Variants in LRRC4C observed in about 807,000 individuals in gnomAD.
LRRC4C encodes leucine-rich repeat-containing protein 4C.
LRRC4C carries 5 observed loss-of-function variants against 33.6 expected under a neutral mutation model. That is an observed-to-expected ratio of 0.15 (90% CI 0.08 to 0.31). The LOEUF is 0.31. LRRC4C is among the 10% of genes least tolerant of loss of function. The probability of loss-of-function intolerance (pLI) is 1.00; values close to 1 mark genes in which losing one functional copy is unlikely to be tolerated. For synonymous variants in LRRC4C, 329 were observed against 302.0 expected, an observed-to-expected ratio of 1.09 and a Z score of -0.93; for missense variants, 560 against 796.7, an observed-to-expected ratio of 0.70 and a Z score of 3.58.
At chr11:40,673,617 A>C (rs1944241834) in intron 2 of LRRC4C, among the ~76,000 whole-genome samples, 1 of 152,204 alleles carries the variant, frequency 6.6e-6, no homozygotes, top group South Asian at 2.1e-4. Context: ...ACAGTAGTTC[A>C]CAAGCTTACT....
At chr11:40,551,484 G>A (rs140888970) in intron 3 of LRRC4C, among the ~76,000 whole-genome samples, 9 of 152,106 alleles carry the variant, frequency 5.9e-5, no homozygotes, top group African/African-American at 2.2e-4. Flanking sequence ...TTTTACATGA[G>A]TTAATTGATT....
intron 1 of LRRC4C, among the ~76,000 whole-genome samples, chr11:41,269,195 T>C (rs1347707802): frequency 6.6e-6 from 1 of 152,116 alleles, no homozygotes; most frequent in East Asian, 1.9e-4. Flanking sequence ...GGGTTTTTAA[T>C]GGGCAAATTA....
At chr11:40,358,798 G>T (rs1042501960) in intron 3 of LRRC4C, among the ~76,000 whole-genome samples, 4 of 152,156 alleles carry the variant, frequency 2.6e-5, no homozygotes, top group Admixed American at 6.5e-5. Context: ...TCCTGTTTTT[G>T]ATAGTAATCA....
intron 1 of LRRC4C, among the ~76,000 whole-genome samples, chr11:41,168,132 G>C (rs1424568904): frequency 6.6e-6 from 1 of 152,096 alleles, no homozygotes; most frequent in Non-Finnish European, 1.5e-5. Flanking sequence ...GGACAAAGCA[G>C]GTAACCCAAC....
chr11:40,391,734 A>G (rs1414337606), intron 3 of LRRC4C, among the ~76,000 whole-genome samples: 2 of 152,196 alleles, frequency 1.3e-5, no homozygotes, highest in Non-Finnish European at 2.9e-5. Flanking sequence ...CAAAGTGACA[A>G]AACCACACAC....
chr11:40,837,588 C>T (rs1952727139), intron 2 of LRRC4C, among the ~76,000 whole-genome samples: 1 of 150,712 alleles, frequency 6.6e-6, no homozygotes, highest in Non-Finnish European at 1.5e-5. Flanking sequence ...ACCTGTAATC[C>T]TAGCACTTTG....
intron 2 of LRRC4C, among the ~76,000 whole-genome samples, chr11:40,722,425 AC>A (rs938099606): frequency 2.0e-5 from 3 of 151,932 alleles, no homozygotes; most frequent in African/African-American, 7.3e-5. Flanking sequence ...AACAAAGAAA[AC>A]TACACTGCTT....
At chr11:41,049,931 T>C (rs1858081003) in intron 1 of LRRC4C, among the ~76,000 whole-genome samples, 1 of 152,180 alleles carries the variant, frequency 6.6e-6, no homozygotes, top group African/African-American at 2.4e-5. Context: ...TAAACAATAG[T>C]GTAATGAATA....
intron 1 of LRRC4C, among the ~76,000 whole-genome samples, chr11:41,382,704 G>GTT (rs1466255250): frequency 6.6e-6 from 1 of 152,098 alleles, no homozygotes; most frequent in African/African-American, 2.4e-5. Context: ...AAATGTTAGT[G>GTT]TTATGGACTC....
intron 1 of LRRC4C, among the ~76,000 whole-genome samples, chr11:41,382,699 T>A (rs1953200532): frequency 6.6e-6 from 1 of 152,032 alleles, no homozygotes; most frequent in Admixed American, 6.6e-5. Context: ...AACTAAAATG[T>A]TAGTGTTATG....
At chr11:40,129,929 T>TG (rs1283718002) in intron 6 of LRRC4C, among the ~76,000 whole-genome samples, 3 of 152,022 alleles carry the variant, frequency 2.0e-5, no homozygotes, top group African/African-American at 7.3e-5. Flanking sequence ...AAAAATAATT[T>TG]GTTTTTTTTC....
intron 1 of LRRC4C, among the ~76,000 whole-genome samples, chr11:41,344,411 G>A (rs896355518): frequency 4.6e-5 from 7 of 151,874 alleles, no homozygotes; most frequent in Non-Finnish European, 5.9e-5. Flanking sequence ...TAGTAGAGAC[G>A]GTGTTTCACC....
At chr11:40,739,371 G>A (rs373946066) in intron 2 of LRRC4C, among the ~76,000 whole-genome samples, 2 of 151,550 alleles carry the variant, frequency 1.3e-5, no homozygotes, top group Non-Finnish European at 2.9e-5. Context: ...CATCCACATT[G>A]TTGCAAATGA....
chr11:41,119,836 G>T (rs1942332186), intron 1 of LRRC4C, among the ~76,000 whole-genome samples: 1 of 152,082 alleles, frequency 6.6e-6, no homozygotes, highest in Admixed American at 6.6e-5. Context: ...AATGATTTAT[G>T]TATAGATGAG....
chr11:40,657,117 G>A (rs958069714), intron 2 of LRRC4C, among the ~76,000 whole-genome samples: 5 of 152,072 alleles, frequency 3.3e-5, no homozygotes, highest in Non-Finnish European at 4.4e-5. Flanking sequence ...GATCTGCCGC[G>A]AATGAATCAT....
intron 1 of LRRC4C, among the ~76,000 whole-genome samples, chr11:41,080,286 A>G (rs1023545759): frequency 4.0e-5 from 6 of 151,742 alleles, no homozygotes; most frequent in African/African-American, 1.5e-4. Context: ...TTACAATTGC[A>G]TAATGGTAAA....
intron 3 of LRRC4C, among the ~76,000 whole-genome samples, chr11:40,328,100 G>A (rs1480895470): frequency 6.6e-6 from 1 of 151,990 alleles, no homozygotes; most frequent in East Asian, 1.9e-4. Flanking sequence ...AAAGAATTTG[G>A]TTTGCATAGT....
chr11:40,212,981 G>T (rs1024652255), intron 5 of LRRC4C, among the ~76,000 whole-genome samples: 2 of 152,068 alleles, frequency 1.3e-5, no homozygotes, highest in South Asian at 2.1e-4. Flanking sequence ...CCAAGAATGG[G>T]AATTAAATAT....
At chr11:41,023,260 C>T (rs1590269723) in intron 1 of LRRC4C, among the ~76,000 whole-genome samples, 1 of 151,734 alleles carries the variant, frequency 6.6e-6, no homozygotes, top group African/African-American at 2.4e-5. Flanking sequence ...ACCCTCCTAA[C>T]ATAAGACAAG....
Sources: gnomAD v4.1 joint callset for allele counts (sites outside exome capture counted in the v4.1 genomes callset) on GRCh38, gnomAD v4.1.1 for gene constraint, MANE v1.5 for transcripts, NCBI Gene and HGNC (gene_info 2026-07-23, HGNC 2026-07-21) for gene names.